ADAMTS3: variants seen among roughly 807,000 people sequenced by gnomAD.
ADAMTS3 encodes A disintegrin and metalloproteinase with thrombospondin motifs 3.
Under a neutral mutation model 129.0 loss-of-function variants are expected in ADAMTS3, and 73 were observed. The observed-to-expected ratio is 0.57, with a 90% CI of 0.47 to 0.69. The LOEUF is 0.69. ADAMTS3 is among the 30% of genes least tolerant of loss of function. ADAMTS3 has a pLI of 0.00. For missense variants in ADAMTS3, 1,457 were observed against 1,514.5 expected, an observed-to-expected ratio of 0.96 and a Z score of 0.63; for synonymous variants, 477 against 510.8, an observed-to-expected ratio of 0.93 and a Z score of 0.89.
At chr4:72,527,224 G>A (rs565450662) in intron 3 of ADAMTS3, among the ~76,000 whole-genome samples, 4 of 152,128 alleles carry the variant, frequency 2.6e-5, no homozygotes, top group African/African-American at 9.6e-5. Context: ...TTTATCAAGG[G>A]AACTCCTCTT....
chr4:72,383,778 A>G (rs1207503921), intron 4 of ADAMTS3, among the ~76,000 whole-genome samples: 6 of 152,308 alleles, frequency 3.9e-5, no homozygotes, highest in Non-Finnish European at 7.3e-5. Context: ...TGTTTAAGAA[A>G]CAATTCAAAA....
chr4:72,452,382 T>C (rs918983619), intron 3 of ADAMTS3, among the ~76,000 whole-genome samples: 1 of 151,604 alleles, frequency 6.6e-6, no homozygotes, highest in Non-Finnish European at 1.5e-5. Context: ...ATTGCTTTCA[T>C]AAAACAGATC....
At chr4:72,415,353 A>G (rs1273506235) in intron 3 of ADAMTS3, among the ~76,000 whole-genome samples, 4 of 152,036 alleles carry the variant, frequency 2.6e-5, no homozygotes, top group African/African-American at 7.2e-5. Context: ...TAATTTCCCA[A>G]AATAACCCAT....
Position 72,288,496 on chromosome 4 carries a change from A to G in ADAMTS3, c.3049+255T>C, listed in dbSNP as rs552382152. Among the ~76,000 whole-genome samples the G allele has an allele frequency of 3.3e-5, 5 of 152,356 alleles. No homozygotes were observed. In the East Asian group the frequency reaches 9.6e-4, roughly 29 times the overall value. ...ACACAAATTGATAGACGTTACATAT[A>G]CATGGCACAGCCCTCACTCCAATGC... is the stretch of plus-strand genomic sequence containing the variant. On this transcript the variant is annotated intron_variant, in intron 21 of 21. Transcript: ENST00000286657.
intron 4 of ADAMTS3, among the ~76,000 whole-genome samples, chr4:72,366,672 G>C (rs1011865277): frequency 1.3e-5 from 2 of 151,920 alleles, no homozygotes; most frequent in African/African-American, 4.8e-5. Context: ...TCCTCTTCAG[G>C]ACATTAAAGC....
intron 3 of ADAMTS3, among the ~76,000 whole-genome samples, chr4:72,444,099 T>C (rs947062602): frequency 7.2e-5 from 11 of 151,820 alleles, no homozygotes; most frequent in African/African-American, 2.7e-4. Flanking sequence ...GCTGCACAGC[T>C]ATTATGTGTG....
At chr4:72,401,265 C>G (rs1479832681) in intron 4 of ADAMTS3, among the ~76,000 whole-genome samples, 1 of 151,546 alleles carries the variant, frequency 6.6e-6, no homozygotes, top group Non-Finnish European at 1.5e-5. Context: ...GTAAATGATA[C>G]TATGTGAAAA....
chr4:72,518,132 T>C (rs920262650), intron 3 of ADAMTS3, among the ~76,000 whole-genome samples: 2 of 152,202 alleles, frequency 1.3e-5, no homozygotes, highest in Admixed American at 6.5e-5. Context: ...TCAGTTTCCA[T>C]GTAGTTGAGC....
chr4:72,468,885 T>G (rs1718990807), intron 3 of ADAMTS3, among the ~76,000 whole-genome samples: 1 of 152,134 alleles, frequency 6.6e-6, no homozygotes, highest in African/African-American at 2.4e-5. Context: ...TAAATGTTAT[T>G]TATTTTTCAT....
In ADAMTS3 at chr4:72,548,517, A is replaced by G; in HGVS notation, c.465T>C (p.Ile155=). The change falls in exon 3 of 22, where the codon ATT becomes ATC. Residue 155 remains isoleucine, a synonymous_variant. Coordinates refer to ENST00000286657, the MANE Select transcript of ADAMTS3 (RefSeq NM_014243.3). ...TGCTGATGGCAACAGAGGTTCCTGGAATGTCCACGATGTCACCAACATAAG... is the reference window on the plus strand; with the variant it reads ...TGCTGATGGCAACAGAGGTTCCTGGGATGTCCACGATGTCACCAACATAAG... ...NCAYVGDIVD[I]PGTSVAISNC... 1 of 1,613,884 alleles carries G rather than the reference A, an allele frequency of 6.2e-7. No homozygotes were observed. Among genetic ancestry groups the G allele is most frequent in the Non-Finnish European group, 8.5e-7 (1 of 1,179,846 alleles).
At chr4:72,552,976 C>T (rs1721680627) in intron 2 of ADAMTS3, among the ~76,000 whole-genome samples, 1 of 152,106 alleles carries the variant, frequency 6.6e-6, no homozygotes, top group African/African-American at 2.4e-5. Flanking sequence ...TTTATCTGTT[C>T]TCTTCACCTC....
intron 4 of ADAMTS3, among the ~76,000 whole-genome samples, chr4:72,404,972 G>A (rs745389342): frequency 4.6e-5 from 7 of 151,802 alleles, no homozygotes; most frequent in Non-Finnish European, 1.0e-4. Context: ...CACTAATCAG[G>A]GAAATAACAA....
intron 19 of ADAMTS3, among the ~76,000 whole-genome samples, chr4:72,291,472 T>C (rs530936583): frequency 6.9e-6 from 1 of 145,038 alleles, no homozygotes; most frequent in South Asian, 2.4e-4. Context: ...CACTGTTCAA[T>C]TCCCATCTAT....
chr4:72,378,466 T>G (rs1721191836), intron 4 of ADAMTS3, among the ~76,000 whole-genome samples: 1 of 152,146 alleles, frequency 6.6e-6, no homozygotes, highest in Non-Finnish European at 1.5e-5. Flanking sequence ...TTGTTATGAT[T>G]GTTATTAGCA....
chr4:72,294,487 A>C (rs1161358411), intron 19 of ADAMTS3, among the ~76,000 whole-genome samples: 2 of 152,116 alleles, frequency 1.3e-5, no homozygotes, highest in Non-Finnish European at 2.9e-5. Flanking sequence ...ATGTGATGTG[A>C]TAGATTGGTT....
intron 3 of ADAMTS3, among the ~76,000 whole-genome samples, chr4:72,498,679 G>T (rs980817241): frequency 6.6e-6 from 1 of 151,046 alleles, no homozygotes; most frequent in Non-Finnish European, 1.5e-5. Context: ...GCACACACAC[G>T]TTTATTAATA....
chr4:72,481,705 C>A (rs1387804633), intron 3 of ADAMTS3, among the ~76,000 whole-genome samples: 3 of 151,968 alleles, frequency 2.0e-5, no homozygotes, highest in Admixed American at 1.3e-4. Context: ...TAAAAATTTT[C>A]TCTGCAAAAG....
At chr4:72,540,723 T>TGAAGG (rs1721300413) in intron 3 of ADAMTS3, among the ~76,000 whole-genome samples, 3 of 152,164 alleles carry the variant, frequency 2.0e-5, no homozygotes, top group Non-Finnish European at 2.9e-5. Flanking sequence ...GGGCCAAGCA[T>TGAAGG]GGCCCATGAC....
chr4:72,490,631 C>T (rs1719714918), intron 3 of ADAMTS3, among the ~76,000 whole-genome samples: 1 of 151,864 alleles, frequency 6.6e-6, no homozygotes. Context: ...GTATTCTTGG[C>T]ACATTGTTAA....
Sources: allele counts gnomAD v4.1 joint callset (sites outside exome capture counted in the v4.1 genomes callset), GRCh38; gene constraint gnomAD v4.1.1; transcripts MANE v1.5; gene names NCBI Gene and HGNC (gene_info 2026-07-23, HGNC 2026-07-21).